Variants in YTHDF1 observed in about 807,000 individuals in gnomAD.
YTHDF1 encodes YTH N6-methyladenosine RNA binding protein F1, also known as YTH domain-containing family protein 1.
YTHDF1 carries 16 observed loss-of-function variants against 49.1 expected under a neutral mutation model. That is an observed-to-expected ratio of 0.33 (90% confidence interval 0.22 to 0.49). YTHDF1 has a LOEUF of 0.49. Among genes scored for constraint, YTHDF1 ranks in the 20% least tolerant of loss-of-function variants. The pLI, the probability that YTHDF1 is intolerant of heterozygous loss-of-function variation, is 0.99. For missense variants in YTHDF1, 621 were observed against 744.3 expected, an observed-to-expected ratio of 0.83 and a Z score of 1.93; for synonymous variants, 313 against 290.1, an observed-to-expected ratio of 1.08 and a Z score of -0.80.
chr20:63,204,956 G>A (rs1019857363), intron 3 of YTHDF1, among the ~76,000 whole-genome samples: 1 of 151,042 alleles, frequency 6.6e-6, no homozygotes, highest in Non-Finnish European at 1.5e-5. Flanking sequence ...TCCAGTGTGA[G>A]GTAAGAAGGC....
At chr20:63,198,132 T>TA (rs59075109) in intron 4 of YTHDF1, among the ~76,000 whole-genome samples, 10,056 of 151,922 alleles carry the variant, frequency 0.066, 1,005 homozygotes, top group African/African-American at 0.21. Context: ...CATTCTCCGT[T>TA]AAAAAAAATC....
At chr20:63,210,908 G>A (rs6089861) in intron 3 of YTHDF1, among the ~76,000 whole-genome samples, 1 of 152,024 alleles carries the variant, frequency 6.6e-6, no homozygotes. Flanking sequence ...GATACTGAGC[G>A]GCTACAGTCG....
At chr20:63,215,409 G>C (rs2066596714) in intron 2 of YTHDF1, among the ~76,000 whole-genome samples, 168 bp downstream of exon 2, 1 of 152,142 alleles carries the variant, frequency 6.6e-6, no homozygotes, top group Non-Finnish European at 1.5e-5. Context: ...AGAAGCCCCT[G>C]TCTTCGACCT....
chr20:63,209,546 G>A (rs889064677), intron 3 of YTHDF1, among the ~76,000 whole-genome samples: 9 of 152,238 alleles, frequency 5.9e-5, no homozygotes, highest in South Asian at 2.1e-4. Context: ...GAGGCAGGAG[G>A]ACTGCTTCAG....
At position 63,203,672 on chromosome 20, in the gene YTHDF1, C is replaced by T. The variant is rs780946682; in HGVS notation, c.268G>A (p.Gly90Arg). ...TGATGGTCTCCGTTACTGAGCTGTC[C>T]GTAGGTGGTGAGGTATGGAATCGGA... ...DPPIPYLTTY[G>R]QLSNGDHHFM... The change falls in exon 4 of 5, where the codon GGA (glycine) becomes AGA (arginine). Residue 90 changes from glycine (G) to arginine (R), a missense_variant. Around this residue, in one of 2 missense-constraint regions of YTHDF1, gnomAD observed 470 missense variants for 495.8 expected, o/e 0.95. Coordinates refer to ENST00000370339, the MANE Select transcript of YTHDF1 (RefSeq NM_017798.4). The surrounding 1 kb of genome is among the most constrained non-coding windows in gnomAD (Gnocchi z 4.4). 1.1e-5 allele frequency: 18 copies of T among 1,613,982 alleles called. No homozygotes were observed. Among genetic ancestry groups the T allele is most frequent in the Admixed American group, 1.7e-5 (1 of 59,996 alleles).
intron 3 of YTHDF1, among the ~76,000 whole-genome samples, chr20:63,212,432 A>G (rs183617310): frequency 1.6e-4 from 25 of 152,366 alleles, no homozygotes; most frequent in African/African-American, 5.5e-4. Context: ...GTTTTACTTT[A>G]AAGTAAACAT....
rs976283105 is a variant in YTHDF1 at position 63,196,042 on chromosome 20, A to G, written c.*666T>C. On this transcript the variant is annotated 3_prime_UTR_variant, in exon 5 of 5. Coordinates refer to ENST00000370339, the MANE Select transcript of YTHDF1 (RefSeq NM_017798.4). ...CCAGTTCCTCCACACATCATGCCCC[A>G]ACACCATCCAGCCCAATCGGACACC... is the stretch of plus-strand genomic sequence containing the variant. 6 of 152,176 alleles carry G rather than the reference A, an allele frequency of 3.9e-5. No homozygotes were observed. The highest frequency in any genetic ancestry group is 7.3e-5 in the Non-Finnish European group (5 of 68,056). 9.4% of individuals were successfully genotyped at this position (152,176 alleles called of 1,614,324 possible). A position where few individuals can be genotyped will look rare whatever the true frequency, so the allele number is the denominator to read the frequency against.
intron 4 of YTHDF1, among the ~76,000 whole-genome samples, chr20:63,197,723 CAGAG>C (rs1555881589): frequency 5.3e-5 from 8 of 152,008 alleles, no homozygotes; most frequent in Non-Finnish European, 1.0e-4. Flanking sequence ...GCCTGGGCAA[CAGAG>C]AGAGACCCTA....
At chr20:63,198,466 G>C (rs772965419) in intron 4 of YTHDF1, among the ~76,000 whole-genome samples, 19 of 151,610 alleles carry the variant, frequency 1.3e-4, no homozygotes, top group South Asian at 4.1e-4. Flanking sequence ...TAACAAAAGA[G>C]GTACTGCTGT....
chr20:63,212,905 C>T (rs1043192135), intron 3 of YTHDF1, among the ~76,000 whole-genome samples: 1 of 152,192 alleles, frequency 6.6e-6, no homozygotes, highest in Non-Finnish European at 1.5e-5. Flanking sequence ...TGTTCCCGTG[C>T]AAAATGTCCA....
At chr20:63,205,084 C>CT (rs1292692319) in intron 3 of YTHDF1, among the ~76,000 whole-genome samples, 3 of 152,156 alleles carry the variant, frequency 2.0e-5, no homozygotes, top group African/African-American at 7.2e-5. Flanking sequence ...AGTTTTCCCG[C>CT]TCCCCGCCCC....
At position 63,196,642 on chromosome 20, in the gene YTHDF1, C is replaced by A; in HGVS notation, c.*66G>T. 6.3e-7 allele frequency: 1 copy of A among 1,599,544 alleles called. No homozygotes were observed. Among genetic ancestry groups the A allele is most frequent in the Non-Finnish European group, 8.6e-7 (1 of 1,169,018 alleles). ...CACGGGACGACACACTGGAGCTGAC[C>A]AAGCACACGTGTTTTAAACTGTTTT... is the stretch of plus-strand genomic sequence containing the variant. On this transcript the variant is annotated 3_prime_UTR_variant, in exon 5 of 5. Coordinates refer to ENST00000370339, the MANE Select transcript of YTHDF1 (RefSeq NM_017798.4).
intron 3 of YTHDF1, among the ~76,000 whole-genome samples, chr20:63,209,103 T>C (rs1365840300): frequency 2.0e-5 from 3 of 152,118 alleles, no homozygotes; most frequent in Admixed American, 6.5e-5. Context: ...AAAAATACGG[T>C]ATAAGAAATC....
At chr20:63,209,556 G>T (rs1463987715) in intron 3 of YTHDF1, among the ~76,000 whole-genome samples, 1 of 152,080 alleles carries the variant, frequency 6.6e-6, no homozygotes, top group African/African-American at 2.4e-5. Flanking sequence ...GACTGCTTCA[G>T]CCCAGGATTT....
At position 63,202,955 on chromosome 20, in the gene YTHDF1, C is replaced by T. The variant is rs2066525102; in HGVS notation, c.985G>A (p.Val329Ile). 6.2e-7 allele frequency: 1 copy of T among 1,613,912 alleles called. No individual in the cohort carries two copies. The highest frequency in any genetic ancestry group is 2.2e-5 in the East Asian group (1 of 44,906). Reference sequence around the variant, plus strand: ...GCCGCGTTTCTGTTGCGTGGGGCAACCCAGCGGGTCTGGGGTGGCTGCTGA... The same window carrying T: ...GCCGCGTTTCTGTTGCGTGGGGCAATCCAGCGGGTCTGGGGTGGCTGCTGA... ...SPQQPPQTRW[V>I]APRNRNAAFG... The change falls in exon 4 of 5, where the codon GTT (valine) becomes ATT (isoleucine). Residue 329 changes from valine (V) to isoleucine (I), a missense_variant. This residue lies in a region of YTHDF1 where 470 missense variants were observed against 495.8 expected (regional missense o/e 0.95). Transcript: ENST00000370339.
At chr20:63,198,479 C>T (rs541331120) in intron 4 of YTHDF1, among the ~76,000 whole-genome samples, 1 of 152,026 alleles carries the variant, frequency 6.6e-6, no homozygotes, top group Non-Finnish European at 1.5e-5. Context: ...ACTGCTGTTC[C>T]TAAAAAGCAA....
intron 4 of YTHDF1, among the ~76,000 whole-genome samples, chr20:63,197,664 A>G (rs187628487): frequency 6.6e-6 from 1 of 152,208 alleles, no homozygotes; most frequent in Admixed American, 6.5e-5. Flanking sequence ...GGATCGCTTG[A>G]GCCCATGAGT....
chr20:63,199,226 C>G (rs189235592), intron 4 of YTHDF1, among the ~76,000 whole-genome samples: 1 of 152,338 alleles, frequency 6.6e-6, no homozygotes, highest in East Asian at 1.9e-4. Flanking sequence ...GTTCTTAAAA[C>G]TGCACTGACT....
chr20:63,204,073 C>T lies in YTHDF1; in HGVS notation c.133-266G>A, dbSNP rs1158465197. ...TTCAGGCTAAATGACGAAGCTATGC[C>T]TCTCTAGAACTGGCAAGGTAGCAGC... On this transcript the variant is annotated intron_variant, in intron 3 of 4. Transcript: ENST00000370339. Among the ~76,000 whole-genome samples the T allele has an allele frequency of 2.6e-5, 4 of 152,200 alleles. No individual in the cohort carries two copies. The South Asian group carries it at 8.3e-4, about 31-fold the overall frequency.
Sources: gnomAD v4.1 joint callset for allele counts (sites outside exome capture counted in the v4.1 genomes callset) on GRCh38, gnomAD v4.1.1 for gene constraint, gnomAD v4.1.1 regional missense constraint, Gnocchi (gnomAD v3.1) non-coding constraint, MANE v1.5 for transcripts, NCBI Gene and HGNC (gene_info 2026-07-23, HGNC 2026-07-21) for gene names.